The following EMC7 variants were observed in gnomAD, a reference collection of about 807,000 sequenced individuals.
EMC7 encodes ER membrane protein complex subunit 7, also known as endoplasmic reticulum membrane protein complex subunit 7.
A neutral mutation model predicts 24.4 loss-of-function variants in EMC7; 4 were observed. The observed-to-expected ratio is 0.16, with a 90% CI of 0.08 to 0.38. The LOEUF (loss-of-function observed/expected upper bound fraction) is 0.38, where lower values mean the gene tolerates loss of function less well. EMC7 is among the 10% of genes least tolerant of loss of function. The probability of loss-of-function intolerance (pLI) is 1.00; values close to 1 mark genes in which losing one functional copy is unlikely to be tolerated. For missense variants in EMC7, 221 were observed against 300.6 expected, an observed-to-expected ratio of 0.74 and a Z score of 1.96; for synonymous variants, 106 against 112.0, an observed-to-expected ratio of 0.95 and a Z score of 0.34.
In EMC7 at chr15:34,101,471, A is replaced by G. The variant is rs1015501262; in HGVS notation, c.236+133T>C. ...CGACTGCCTCCCAAGGTCTCCCGGCATAGACCGTTAGCGGCACCCTCCCCT... is the reference window on the plus strand; with the variant it reads ...CGACTGCCTCCCAAGGTCTCCCGGCGTAGACCGTTAGCGGCACCCTCCCCT... On this transcript the variant is annotated intron_variant, in intron 1 of 4. Coordinates refer to ENST00000256545, the MANE Select transcript of EMC7 (RefSeq NM_020154.3). The G allele has an allele frequency of 1.5e-5, 14 of 929,582 alleles. 1 individual carries two copies. Among genetic ancestry groups the G allele is most frequent in the East Asian group, 7.7e-5 (3 of 38,812 alleles). The allele number at this position is 929,582 out of a possible 1,614,324, so 57.6% of individuals were successfully genotyped here.
chr15:34,087,049 G>C (rs78452779), intron 4 of EMC7, among the ~76,000 whole-genome samples: 2,655 of 152,054 alleles, frequency 0.017, 72 homozygotes, highest in African/African-American at 0.061. Context: ...AAAAAGAAAA[G>C]AAAAAGTCAC....
chr15:34,100,550 C>CT (rs1163424821), intron 1 of EMC7: 1 of 152,086 alleles, frequency 6.6e-6, no homozygotes. Context: ...AACGAATGCC[C>CT]TAATGCCAGA....
intron 2 of EMC7, 43 bp downstream of exon 2, chr15:34,095,852 C>A: frequency 6.4e-7 from 1 of 1,565,684 alleles, no homozygotes. Flanking sequence ...CTAAGGTATT[C>A]AGTAGCCTAG....
At chr15:34,090,086 C>A (rs1900954787) in intron 3 of EMC7, among the ~76,000 whole-genome samples, 1 of 152,224 alleles carries the variant, frequency 6.6e-6, no homozygotes, top group Non-Finnish European at 1.5e-5. Context: ...AAATATTTAT[C>A]CAATTTCTAT....
chr15:34,095,915 G>A lies in EMC7; in HGVS notation c.336C>T (p.Ile112=). Residue 112 remains isoleucine (I), a synonymous_variant, in exon 2 of 5, where the codon ATC becomes ATT. Coordinates refer to ENST00000256545, the MANE Select transcript of EMC7 (RefSeq NM_020154.3). ...AYRFDPVRVD[I]TSKGKMRARY... ...CTCACCTCATTTTTCCTTTCGAAGT[G>A]ATATCCACTCGAACGGGATCAAATC... The A allele has an allele frequency of 6.2e-7, 1 of 1,608,086 alleles. No homozygotes were observed. The highest frequency in any genetic ancestry group is 8.5e-7 in the Non-Finnish European group (1 of 1,175,786).
chr15:34,099,582 C>A (rs1348324923), intron 1 of EMC7, among the ~76,000 whole-genome samples: 3 of 152,130 alleles, frequency 2.0e-5, no homozygotes, highest in African/African-American at 4.8e-5. Context: ...TCACCATAAA[C>A]TCCTCATATT....
chr15:34,084,859 T>A (rs1900851777), intron 4 of EMC7, among the ~76,000 whole-genome samples: 2 of 152,038 alleles, frequency 1.3e-5, no homozygotes, highest in African/African-American at 4.8e-5. Context: ...ACTCATCATT[T>A]AACATTAGGT....
At chr15:34,092,720 A>G (rs913945370) in intron 2 of EMC7, among the ~76,000 whole-genome samples, 3 of 152,208 alleles carry the variant, frequency 2.0e-5, no homozygotes, top group Non-Finnish European at 2.9e-5. Flanking sequence ...CAGACATCCA[A>G]TCATCAGGAA....
intron 2 of EMC7, 62 bp downstream of exon 2, chr15:34,095,833 G>A: frequency 7.0e-7 from 1 of 1,425,346 alleles, no homozygotes; most frequent in Non-Finnish European, 9.4e-7. Flanking sequence ...ATTCTAAAAG[G>A]AATATATACT....
intron 2 of EMC7, among the ~76,000 whole-genome samples, chr15:34,093,296 G>A (rs374122452): frequency 1.3e-5 from 2 of 152,078 alleles, no homozygotes; most frequent in East Asian, 1.9e-4. Flanking sequence ...AATTAGTTGG[G>A]AGTGGTGGCG....
At chr15:34,101,469 G>T (rs1179324419) in intron 1 of EMC7, 135 bp downstream of exon 1, 20 of 908,566 alleles carry the variant, frequency 2.2e-5, no homozygotes, top group African/African-American at 3.3e-5. Flanking sequence ...AGGTCTCCCG[G>T]CATAGACCGT....
chr15:34,090,944 T>C (rs1369960993), intron 2 of EMC7, among the ~76,000 whole-genome samples: 1 of 152,242 alleles, frequency 6.6e-6, no homozygotes, highest in Non-Finnish European at 1.5e-5. Context: ...AGCAGTGCTA[T>C]AGGTAACGCT....
Position 34,100,012 on chromosome 15 carries a change from T to C in EMC7, c.236+1592A>G, listed in dbSNP as rs145505603. Among the ~76,000 whole-genome samples the C allele has an allele frequency of 5.3e-3, 802 of 152,362 alleles. 4 individuals are homozygous for C. The highest frequency in any genetic ancestry group is 7.6e-3 in the Non-Finnish European group (520 of 68,030). On this transcript the variant is annotated intron_variant, in intron 1 of 4. Coordinates refer to ENST00000256545, the MANE Select transcript of EMC7 (RefSeq NM_020154.3). ...ATACAAACTACTACATGTTGTATTT[T>C]ACTAGTAAAAACCTAAGTCATATGA...
chr15:34,087,826 G>A (rs1463829813), intron 4 of EMC7, among the ~76,000 whole-genome samples: 1 of 152,116 alleles, frequency 6.6e-6, no homozygotes, highest in Non-Finnish European at 1.5e-5. Flanking sequence ...ACCCAGCTAC[G>A]ATGGGACAGA....
At chr15:34,087,448 G>A (rs1054594114) in intron 4 of EMC7, among the ~76,000 whole-genome samples, 2 of 152,140 alleles carry the variant, frequency 1.3e-5, no homozygotes, top group African/African-American at 4.8e-5. Flanking sequence ...AGAATTCAAA[G>A]GTCACTCTTC....
intron 4 of EMC7, chr15:34,085,966 T>C (rs80166484): frequency 0.012 from 2,630 of 212,740 alleles, 59 homozygotes; most frequent in Admixed American, 0.058. Context: ...GATGGCCAGC[T>C]GGGCTGCTCT....
At chr15:34,101,518 G>C in intron 1 of EMC7, 86 bp downstream of exon 1, 1 of 1,411,880 alleles carries the variant, frequency 7.1e-7, no homozygotes, top group Non-Finnish European at 9.8e-7. Flanking sequence ...CAGCGACGTT[G>C]TCCCGTCCTG....
At chr15:34,101,364 G>A (rs1226692288) in intron 1 of EMC7, among the ~76,000 whole-genome samples, 2 of 152,116 alleles carry the variant, frequency 1.3e-5, no homozygotes, top group African/African-American at 4.8e-5. Context: ...GGAAATAACT[G>A]ACTCCATGCT....
At chr15:34,093,830 T>A (rs868867241) in intron 2 of EMC7, among the ~76,000 whole-genome samples, 12,875 of 103,814 alleles carry the variant, frequency 0.12, 1,146 homozygotes, top group Middle Eastern at 0.16. Flanking sequence ...TATATTTTTT[T>A]TTTTTTTTTT....
Sources: gnomAD v4.1 joint callset for allele counts (sites outside exome capture counted in the v4.1 genomes callset) on GRCh38, gnomAD v4.1.1 for gene constraint, MANE v1.5 for transcripts, NCBI Gene and HGNC (gene_info 2026-07-23, HGNC 2026-07-21) for gene names.